Variants in STXBP5L observed in about 807,000 individuals in gnomAD.
STXBP5L encodes the protein syntaxin-binding protein 5-like.
In STXBP5L, 65 loss-of-function variants were observed where a neutral mutation model predicts 144.5. The observed-to-expected ratio is 0.45, with a 90% CI of 0.37 to 0.55. STXBP5L has a LOEUF of 0.55. Ranked by LOEUF, STXBP5L falls within the 20% of genes least tolerant of loss-of-function variation. The pLI is 0.00. For missense variants in STXBP5L, 1,298 were observed against 1,405.5 expected (o/e 0.92, Z 1.22); for synonymous variants, 505 against 469.6 (o/e 1.08, Z -0.97).
intron 3 of STXBP5L, among the ~76,000 whole-genome samples, chr3:121,000,095 G>A (rs192449395): frequency 6.6e-5 from 10 of 152,132 alleles, no homozygotes; most frequent in African/African-American, 2.2e-4. Context: ...TTTGGGGGTG[G>A]TCATCTTGCA....
chr3:121,007,772 T>G (rs998062364), intron 3 of STXBP5L, among the ~76,000 whole-genome samples: 4 of 152,050 alleles, frequency 2.6e-5, no homozygotes, highest in African/African-American at 9.7e-5. Context: ...AAGGTTACCC[T>G]GCCTGCATAG....
At chr3:121,287,546 A>C (rs548055874) in intron 19 of STXBP5L, among the ~76,000 whole-genome samples, 1 of 152,152 alleles carries the variant, frequency 6.6e-6, no homozygotes, top group African/African-American at 2.4e-5. Context: ...CCACACATTG[A>C]TGGGCCGGGC....
chr3:121,115,718 C>T (rs1441113131), intron 6 of STXBP5L, among the ~76,000 whole-genome samples: 1 of 152,076 alleles, frequency 6.6e-6, no homozygotes, highest in Non-Finnish European at 1.5e-5. Context: ...GTTCTACAGG[C>T]TTTACAGGAA....
At chr3:121,216,106 G>T (rs1269880789) in intron 10 of STXBP5L, among the ~76,000 whole-genome samples, 1 of 151,946 alleles carries the variant, frequency 6.6e-6, no homozygotes, top group South Asian at 2.1e-4. Context: ...CTTTTTTCAA[G>T]GTTCTTAGCT....
chr3:120,985,736 C>CT (rs1942228331), intron 3 of STXBP5L, among the ~76,000 whole-genome samples: 1 of 151,762 alleles, frequency 6.6e-6, no homozygotes, highest in African/African-American at 2.4e-5. Flanking sequence ...CCTTATCATC[C>CT]TTTTTATTTC....
intron 22 of STXBP5L, among the ~76,000 whole-genome samples, chr3:121,389,190 A>G (rs965149661): frequency 6.6e-6 from 1 of 152,156 alleles, no homozygotes; most frequent in African/African-American, 2.4e-5. Flanking sequence ...AGGTGTTTAT[A>G]GTATTCTCTG....
intron 7 of STXBP5L, among the ~76,000 whole-genome samples, chr3:121,138,141 T>C (rs1357351127): frequency 2.0e-5 from 3 of 152,086 alleles, no homozygotes; most frequent in African/African-American, 7.2e-5. Flanking sequence ...GTAAATTATT[T>C]GTGAAAGAAA....
At chr3:120,968,364 A>T (rs1465719865) in intron 3 of STXBP5L, among the ~76,000 whole-genome samples, 1 of 152,084 alleles carries the variant, frequency 6.6e-6, no homozygotes, top group East Asian at 1.9e-4. Context: ...GACCTTCTGT[A>T]TCTTTTTTTA....
At chr3:120,980,222 T>G (rs1259252604) in intron 3 of STXBP5L, among the ~76,000 whole-genome samples, 1 of 152,194 alleles carries the variant, frequency 6.6e-6, no homozygotes, top group Non-Finnish European at 1.5e-5. Flanking sequence ...TTTGTAAATT[T>G]CTATCTGTTC....
chr3:120,932,255 T>G (rs974676562), intron 2 of STXBP5L, among the ~76,000 whole-genome samples: 3 of 152,208 alleles, frequency 2.0e-5, no homozygotes, highest in Non-Finnish European at 4.4e-5. Flanking sequence ...AATAGTGTTC[T>G]TGGAAACAAC....
intron 2 of STXBP5L, among the ~76,000 whole-genome samples, chr3:120,947,326 A>G (rs552973914): frequency 5.9e-5 from 9 of 151,920 alleles, no homozygotes; most frequent in East Asian, 1.9e-4. Context: ...TACTGCATCT[A>G]TATCATTCCA....
At chr3:121,197,502 T>C (rs1012911283) in intron 9 of STXBP5L, among the ~76,000 whole-genome samples, 5 of 152,208 alleles carry the variant, frequency 3.3e-5, no homozygotes, top group Non-Finnish European at 7.4e-5. Context: ...TATTTATTTA[T>C]TTACTTTAAG....
chr3:121,318,499 C>T lies in STXBP5L; in HGVS notation c.2135C>T (p.Pro712Leu), dbSNP rs751526198. 1.5e-5 allele frequency: 23 copies of T among 1,563,268 alleles called. No individual in the cohort carries two copies. The highest frequency in any genetic ancestry group is 2.0e-5 in the Non-Finnish European group (23 of 1,155,932). ...IAGLTELNDS[P>L]VPLELERCKS... ...GGTTTAACTGAACTGAATGACAGTC[C>T]AGTTCCCCTAGAACTTGAGCGCTGC... Residue 712 changes from proline to leucine, a missense_variant, in exon 20 of 27, where the codon CCA (proline) becomes CTA (leucine). Transcript: ENST00000471454.
chr3:121,330,826 G>A (rs1481852201), intron 20 of STXBP5L, among the ~76,000 whole-genome samples: 1 of 152,134 alleles, frequency 6.6e-6, no homozygotes, highest in Non-Finnish European at 1.5e-5. Flanking sequence ...CACATGACCC[G>A]TTCATTACTA....
At chr3:120,999,016 GTA>G (rs1465757040) in intron 3 of STXBP5L, among the ~76,000 whole-genome samples, 3 of 152,160 alleles carry the variant, frequency 2.0e-5, no homozygotes, top group Admixed American at 6.6e-5. Context: ...TCATATAATT[GTA>G]TGTTTTGTGA....
intron 21 of STXBP5L, 35 bp from the exon 22 acceptor site, chr3:121,381,256 AAC>A (rs762675316): frequency 6.7e-7 from 1 of 1,500,938 alleles, no homozygotes; most frequent in East Asian, 2.4e-5. Flanking sequence ...GAAATATACT[AAC>A]AATTTGTGTG....
intron 3 of STXBP5L, among the ~76,000 whole-genome samples, chr3:121,031,152 G>A (rs958527282): frequency 1.3e-5 from 2 of 152,054 alleles, no homozygotes; most frequent in Non-Finnish European, 2.9e-5. Context: ...AACCCCATAA[G>A]GAATTTGAAT....
At chr3:121,094,522 T>C (rs2043008581) in intron 5 of STXBP5L, among the ~76,000 whole-genome samples, 1 of 152,114 alleles carries the variant, frequency 6.6e-6, no homozygotes, top group East Asian at 1.9e-4. Flanking sequence ...TTTACCATTA[T>C]GTAATGGCCT....
chr3:121,006,713 G>C (rs1229139417), intron 3 of STXBP5L, among the ~76,000 whole-genome samples: 2 of 152,074 alleles, frequency 1.3e-5, no homozygotes, highest in African/African-American at 2.4e-5. Flanking sequence ...TATGTTTAGT[G>C]CCTCCTTCAG....
Sources: allele counts gnomAD v4.1 joint callset (sites outside exome capture counted in the v4.1 genomes callset), GRCh38; gene constraint gnomAD v4.1.1; transcripts MANE v1.5; gene names NCBI Gene and HGNC (gene_info 2026-07-23, HGNC 2026-07-21).